Variants in PRTG observed in about 807,000 individuals in gnomAD.
PRTG encodes immunoglobulin superfamily, DCC subclass, member 5.
PRTG carries 67 observed loss-of-function variants against 122.5 expected under a neutral mutation model. That is an observed-to-expected ratio of 0.55 (90% CI 0.45 to 0.67). The LOEUF is 0.67. Ranked by LOEUF, PRTG falls within the 30% of genes least tolerant of loss-of-function variation. The pLI is 0.00. For synonymous variants in PRTG, 554 were observed against 501.1 expected, an observed-to-expected ratio of 1.11 and a Z score of -1.41; for missense variants, 1,435 against 1,415.4, an observed-to-expected ratio of 1.01 and a Z score of -0.22.
rs1024691304 is a variant in PRTG at position 55,615,542 on chromosome 15, A to C, written c.*4470T>G. The C allele has an allele frequency of 5.3e-5, 8 of 152,156 alleles. No homozygotes were observed. The highest frequency in any genetic ancestry group is 1.0e-4 in the Non-Finnish European group (7 of 67,998). The allele number at this position is 152,156 out of a possible 1,614,324, so 9.4% of individuals were successfully genotyped here. ...TCTAAACATCAATAAAAAAATCACA[A>C]TTAGACAACTGGTTGTATATGGTAG... On this transcript the variant is annotated 3_prime_UTR_variant, in exon 20 of 20. Transcript: ENST00000389286.
chr15:55,636,061 T>C (rs958801034), intron 15 of PRTG, among the ~76,000 whole-genome samples: 7 of 151,704 alleles, frequency 4.6e-5, no homozygotes, highest in African/African-American at 7.3e-5. Context: ...CTGGGCGTGG[T>C]GGTGTGCATG....
At chr15:55,687,492 G>C (rs182923620) in intron 2 of PRTG, among the ~76,000 whole-genome samples, 148 of 152,244 alleles carry the variant, frequency 9.7e-4, no homozygotes, top group Middle Eastern at 3.4e-3. Context: ...CAAACAATAT[G>C]CCTGGGCACC....
At chr15:55,718,458 C>T (rs1403252005) in intron 2 of PRTG, among the ~76,000 whole-genome samples, 3 of 151,936 alleles carry the variant, frequency 2.0e-5, no homozygotes, top group African/African-American at 7.3e-5. Flanking sequence ...CCTTGTGACC[C>T]CCACCCCTGC....
chr15:55,703,934 C>T (rs936331017), intron 2 of PRTG, among the ~76,000 whole-genome samples: 11 of 152,118 alleles, frequency 7.2e-5, no homozygotes, highest in Admixed American at 2.0e-4. Flanking sequence ...GAAGTGTATG[C>T]GACATGCTAA....
chr15:55,657,129 A>G (rs2059384849), intron 11 of PRTG, among the ~76,000 whole-genome samples: 1 of 152,222 alleles, frequency 6.6e-6, no homozygotes, highest in Admixed American at 6.5e-5. Flanking sequence ...TGGGACACAG[A>G]ATTACTATAA....
chr15:55,613,810 A>G lies in PRTG; in HGVS notation c.*6202T>C, dbSNP rs1474104637. On this transcript the variant is annotated 3_prime_UTR_variant, in exon 20 of 20. Transcript: ENST00000389286. ...CTGAGACAATGTATCATAGTCCTAT[A>G]CACTTCTGAGTAAGGATTAACTAAC... 3 of 142,072 alleles carry G rather than the reference A, an allele frequency of 2.1e-5. No homozygotes were observed. The East Asian group carries it at 5.9e-4, about 28-fold the overall frequency. 8.8% of individuals were successfully genotyped at this position (142,072 alleles called of 1,614,324 possible). A position where few individuals can be genotyped will look rare whatever the true frequency, so the allele number is the denominator to read the frequency against.
intron 11 of PRTG, among the ~76,000 whole-genome samples, chr15:55,663,534 C>CT (rs1394403727): frequency 5.3e-4 from 80 of 150,702 alleles, no homozygotes; most frequent in Admixed American, 1.8e-3. Flanking sequence ...TCCATCTTTT[C>CT]TTTTCTTTTT....
intron 2 of PRTG, among the ~76,000 whole-genome samples, chr15:55,739,242 T>C (rs1431508834): frequency 1.3e-5 from 2 of 150,146 alleles, no homozygotes; most frequent in Non-Finnish European, 3.0e-5. Flanking sequence ...TACTATTTCC[T>C]AAATATTATG....
chr15:55,662,029 G>A (rs895728992), intron 11 of PRTG, among the ~76,000 whole-genome samples: 1 of 152,070 alleles, frequency 6.6e-6, no homozygotes. Flanking sequence ...CAATGCTAAG[G>A]ATATAAAGGT....
intron 2 of PRTG, among the ~76,000 whole-genome samples, chr15:55,716,703 A>C (rs2030613004): frequency 6.6e-6 from 1 of 152,170 alleles, no homozygotes; most frequent in Admixed American, 6.5e-5. Flanking sequence ...AAGATGACAA[A>C]TTTTTAAGAT....
intron 2 of PRTG, among the ~76,000 whole-genome samples, chr15:55,733,339 T>C (rs1210319421): frequency 1.1e-4 from 16 of 151,272 alleles, no homozygotes; most frequent in African/African-American, 3.9e-4. Context: ...GGAGAAACCC[T>C]GTCTCTACTA....
chr15:55,635,961 G>C (rs1040788920), intron 15 of PRTG, among the ~76,000 whole-genome samples: 2 of 151,998 alleles, frequency 1.3e-5, no homozygotes, highest in African/African-American at 4.8e-5. Context: ...TTAAGGAAGT[G>C]CCAAAATAAT....
At chr15:55,676,278 T>C (rs2141804049) in intron 8 of PRTG, among the ~76,000 whole-genome samples, 1 of 152,278 alleles carries the variant, frequency 6.6e-6, no homozygotes, top group Admixed American at 6.5e-5. Context: ...GTGAGTTTTT[T>C]TTTTTAAGAG....
intron 2 of PRTG, among the ~76,000 whole-genome samples, chr15:55,692,468 G>C (rs1299254245): frequency 6.6e-6 from 1 of 152,172 alleles, no homozygotes; most frequent in Non-Finnish European, 1.5e-5. Flanking sequence ...GCCCGTAAAG[G>C]TTGGGGGATA....
chr15:55,740,370 T>G lies in PRTG; in HGVS notation c.397+12A>C, dbSNP rs1297207123. 7 of 1,572,824 alleles carry G rather than the reference T, an allele frequency of 4.5e-6. No homozygotes were observed. The highest frequency in any genetic ancestry group is 6.0e-6 in the Non-Finnish European group (7 of 1,161,512). ...ATGAAAAATGTCAACAACTAAAAAC[T>G]TAAACACTTACTTGATAAGGCAAGA... On this transcript the variant is annotated intron_variant, in intron 2 of 19. Transcript: ENST00000389286.
intron 15 of PRTG, among the ~76,000 whole-genome samples, chr15:55,631,907 C>G (rs1184201398): frequency 6.6e-6 from 1 of 152,174 alleles, no homozygotes; most frequent in African/African-American, 2.4e-5. Context: ...TCTTCTTCCT[C>G]TTTTGGAAGA....
At chr15:55,714,544 CTT>C (rs1170528122) in intron 2 of PRTG, among the ~76,000 whole-genome samples, 2 of 148,688 alleles carry the variant, frequency 1.3e-5, no homozygotes, top group Non-Finnish European at 3.0e-5. Flanking sequence ...TTATCCCCCC[CTT>C]TTTTTTTTAA....
chr15:55,730,261 CCAGCT>C (rs1170678612), intron 2 of PRTG, among the ~76,000 whole-genome samples: 1 of 151,914 alleles, frequency 6.6e-6, no homozygotes, highest in African/African-American at 2.4e-5. Context: ...GCCACCACGC[CCAGCT>C]AATTTTTGTA....
chr15:55,735,436 A>C (rs1416325205), intron 2 of PRTG, among the ~76,000 whole-genome samples: 3 of 152,090 alleles, frequency 2.0e-5, no homozygotes, highest in African/African-American at 7.2e-5. Context: ...CCCTGCTTAA[A>C]AGATTTGTTG....
Sources: gnomAD v4.1 joint callset for allele counts (sites outside exome capture counted in the v4.1 genomes callset) on GRCh38, gnomAD v4.1.1 for gene constraint, MANE v1.5 for transcripts, NCBI Gene and HGNC (gene_info 2026-07-23, HGNC 2026-07-21) for gene names.